Variants in PITPNC1 observed in about 807,000 individuals in gnomAD.
The protein encoded by PITPNC1 is phosphatidylinositol transfer protein cytoplasmic 1.
Under a neutral mutation model 44.7 loss-of-function variants are expected in PITPNC1, and 18 were observed. That is an observed-to-expected ratio of 0.40 (90% CI 0.28 to 0.60). The LOEUF is 0.60. Ranked by LOEUF, PITPNC1 falls within the 20% of genes least tolerant of loss-of-function variation. The pLI is 0.39. For synonymous variants in PITPNC1, 141 were observed against 149.6 expected (o/e 0.94, Z 0.42); for missense variants, 290 against 418.4 (o/e 0.69, Z 2.68).
intron 2 of PITPNC1, among the ~76,000 whole-genome samples, chr17:67,538,224 G>A (rs571902133): frequency 6.6e-6 from 1 of 152,212 alleles, no homozygotes; most frequent in Non-Finnish European, 1.5e-5. Context: ...AGGGGAAGAT[G>A]AACTCTTCGG....
intron 1 of PITPNC1, among the ~76,000 whole-genome samples, chr17:67,466,976 T>C (rs1246737795): frequency 6.6e-6 from 1 of 152,180 alleles, no homozygotes; most frequent in Non-Finnish European, 1.5e-5. Context: ...CTGGGCATTC[T>C]TGTGTTAAGG....
intron 6 of PITPNC1, among the ~76,000 whole-genome samples, chr17:67,636,281 CAAAAA>C (rs4020398): frequency 5.2e-5 from 4 of 77,348 alleles, no homozygotes; most frequent in South Asian, 9.7e-4. Context: ...GACTCCGTTT[CAAAAA>C]AAAAAAAAAA....
intron 1 of PITPNC1, among the ~76,000 whole-genome samples, chr17:67,382,921 C>T (rs934053833): frequency 5.9e-5 from 9 of 151,698 alleles, no homozygotes; most frequent in Non-Finnish European, 1.2e-4. Context: ...CCACTGCCCC[C>T]GGATGATTCT....
At chr17:67,495,367 C>T (rs569448489) in intron 1 of PITPNC1, among the ~76,000 whole-genome samples, 25 of 152,156 alleles carry the variant, frequency 1.6e-4, no homozygotes, top group African/African-American at 4.6e-4. Context: ...CTCTGAGCCA[C>T]GGAGATCTTT....
chr17:67,415,710 T>A (rs1371475144), intron 1 of PITPNC1, among the ~76,000 whole-genome samples: 1 of 152,220 alleles, frequency 6.6e-6, no homozygotes, highest in Admixed American at 6.5e-5. Context: ...TCTAAAATGT[T>A]ACATTTTTTT....
chr17:67,499,516 C>T (rs934070890), intron 1 of PITPNC1, among the ~76,000 whole-genome samples: 5 of 152,214 alleles, frequency 3.3e-5, no homozygotes, highest in African/African-American at 1.2e-4. Context: ...TGTGCCCGGC[C>T]AGCCTGAGGA....
At chr17:67,644,322 AAAGAAGG>A (rs1191578165) in intron 6 of PITPNC1, among the ~76,000 whole-genome samples, 1 of 152,116 alleles carries the variant, frequency 6.6e-6, no homozygotes, top group African/African-American at 2.4e-5. Context: ...TAAGACTTTC[AAAGAAGG>A]AAGCAAGAGC....
At chr17:67,519,715 C>T (rs1193434335) in intron 1 of PITPNC1, among the ~76,000 whole-genome samples, 2 of 152,294 alleles carry the variant, frequency 1.3e-5, no homozygotes, top group East Asian at 3.9e-4. Flanking sequence ...GCCATCCATG[C>T]CTCTGGAACC....
intron 2 of PITPNC1, among the ~76,000 whole-genome samples, chr17:67,539,938 A>G (rs576326830): frequency 3.3e-5 from 5 of 152,244 alleles, no homozygotes; most frequent in East Asian, 3.9e-4. Context: ...ACATTTATAT[A>G]TATTGTTTAC....
At chr17:67,601,177 C>A (rs923271396) in intron 5 of PITPNC1, among the ~76,000 whole-genome samples, 5 of 152,144 alleles carry the variant, frequency 3.3e-5, no homozygotes, top group African/African-American at 1.2e-4. Context: ...TACCTGGACA[C>A]ATTGTCATGA....
intron 2 of PITPNC1, among the ~76,000 whole-genome samples, chr17:67,545,239 G>C (rs2040661730): frequency 6.6e-6 from 1 of 152,118 alleles, no homozygotes; most frequent in African/African-American, 2.4e-5. Flanking sequence ...TTGAGCCCAA[G>C]GGTTCAGGGT....
chr17:67,539,126 C>T (rs1041784052), intron 2 of PITPNC1, among the ~76,000 whole-genome samples: 2 of 152,054 alleles, frequency 1.3e-5, no homozygotes, highest in Non-Finnish European at 2.9e-5. Flanking sequence ...TCCTCTTTTA[C>T]ACACATCAGA....
At chr17:67,675,591 C>T (rs771504300) in intron 8 of PITPNC1, 49 bp downstream of exon 8, 9 of 1,294,384 alleles carry the variant, frequency 7.0e-6, no homozygotes, top group African/African-American at 4.4e-5. Context: ...CATGTTGTCT[C>T]GGGCTTTCTG....
intron 4 of PITPNC1, among the ~76,000 whole-genome samples, chr17:67,556,038 G>A (rs146710838): frequency 4.2e-4 from 64 of 152,258 alleles, no homozygotes; most frequent in East Asian, 1.9e-3. Flanking sequence ...AGGCAAGAGG[G>A]GACTTAGCCA....
At chr17:67,474,093 G>T (rs1274640739) in intron 1 of PITPNC1, among the ~76,000 whole-genome samples, 5 of 152,156 alleles carry the variant, frequency 3.3e-5, no homozygotes, top group Non-Finnish European at 7.4e-5. Context: ...CAGGAGGTGT[G>T]GGGAGGAGGA....
chr17:67,680,259 C>A (rs770542886), intron 8 of PITPNC1, among the ~76,000 whole-genome samples: 1 of 151,996 alleles, frequency 6.6e-6, no homozygotes, highest in Non-Finnish European at 1.5e-5. Context: ...ACCTGTGAAC[C>A]CTTCCCCTGC....
At chr17:67,422,446 TG>T (rs1038365754) in intron 1 of PITPNC1, among the ~76,000 whole-genome samples, 15 of 152,316 alleles carry the variant, frequency 9.8e-5, no homozygotes, top group African/African-American at 3.6e-4. Flanking sequence ...AGGCTGGTCT[TG>T]AGCTCCTGGG....
chr17:67,473,271 G>A (rs1267812405), intron 1 of PITPNC1, among the ~76,000 whole-genome samples: 1 of 152,102 alleles, frequency 6.6e-6, no homozygotes, highest in African/African-American at 2.4e-5. Context: ...CTGGGCTCAA[G>A]CTGTCTACCC....
chr17:67,580,146 C>T (rs1002318855), intron 5 of PITPNC1, among the ~76,000 whole-genome samples: 5 of 152,114 alleles, frequency 3.3e-5, no homozygotes, highest in African/African-American at 4.8e-5. Flanking sequence ...TTTTAACATG[C>T]CCTGAAGTAT....
Sources: allele counts gnomAD v4.1 joint callset (sites outside exome capture counted in the v4.1 genomes callset), GRCh38; gene constraint gnomAD v4.1.1; transcripts MANE v1.5; gene names NCBI Gene and HGNC (gene_info 2026-07-23, HGNC 2026-07-21).